The following NTMT2 variants were observed in gnomAD, a reference collection of about 807,000 sequenced individuals.
NTMT2 encodes X-Pro-Lys N-terminal protein methyltransferase 1B.
In NTMT2, 21 loss-of-function variants were observed where a neutral mutation model predicts 23.4. That is an observed-to-expected ratio of 0.90 (90% CI 0.64 to 1.29). The LOEUF is 1.29. Ranked by LOEUF, NTMT2 falls within the 50% of genes most tolerant of loss-of-function variation. The pLI, the probability that NTMT2 is intolerant of heterozygous loss-of-function variation, is 0.00. For synonymous variants in NTMT2, 131 were observed against 127.7 expected (o/e 1.03, Z -0.17); for missense variants, 336 against 352.0 (o/e 0.95, Z 0.36).
At chr1:170,161,544 A>G (rs541453274) in intron 2 of NTMT2, 4 of 152,134 alleles carry the variant, frequency 2.6e-5, no homozygotes, top group Admixed American at 6.5e-5. Flanking sequence ...TGCTTAATGT[A>G]TAAGCAACTT....
At position 170,168,232 on chromosome 1, in the gene NTMT2, T is replaced by G. The variant is rs1465526250; in HGVS notation, c.*475T>G. Reference sequence around the variant, plus strand: ...GGGTTGTTCAGATAAAGCATTTGTCTACTCAAACAAAAAAAAAAAAAAGAA... The same window carrying G: ...GGGTTGTTCAGATAAAGCATTTGTCGACTCAAACAAAAAAAAAAAAAAGAA... On this transcript the variant is annotated 3_prime_UTR_variant, in exon 4 of 4. Coordinates refer to ENST00000439373, the MANE Select transcript of NTMT2 (RefSeq NM_001136107.2). Among the ~76,000 whole-genome samples, 1 of 118,882 alleles carries G rather than the reference T, an allele frequency of 8.4e-6. No individual in the cohort carries two copies. Among genetic ancestry groups the G allele is most frequent in the South Asian group, 2.6e-4 (1 of 3,814 alleles). The allele number at this position is 118,882 out of a possible 152,430, so 78.0% of individuals were successfully genotyped here.
At chr1:170,158,292 T>C (rs1673203503) in intron 1 of NTMT2, among the ~76,000 whole-genome samples, 2 of 152,092 alleles carry the variant, frequency 1.3e-5, no homozygotes, top group African/African-American at 4.8e-5. Flanking sequence ...TGATGCCAGC[T>C]AAGTTTAATT....
intron 1 of NTMT2, among the ~76,000 whole-genome samples, chr1:170,158,513 C>A (rs1673207471): frequency 6.6e-6 from 1 of 151,732 alleles, no homozygotes; most frequent in Non-Finnish European, 1.5e-5. Flanking sequence ...ACTACTCTTT[C>A]TGTTTTGAAA....
chr1:170,152,474 A>G (rs1673088765), intron 1 of NTMT2, among the ~76,000 whole-genome samples: 1 of 152,202 alleles, frequency 6.6e-6, no homozygotes, highest in South Asian at 2.1e-4. Flanking sequence ...TCTTTCCCCA[A>G]TTTAGAAGTC....
intron 1 of NTMT2, among the ~76,000 whole-genome samples, chr1:170,148,596 T>C (rs1673011489): frequency 6.6e-6 from 1 of 152,224 alleles, no homozygotes; most frequent in Non-Finnish European, 1.5e-5. Flanking sequence ...TCATCCACAG[T>C]ACCTCTTTGA....
intron 1 of NTMT2, among the ~76,000 whole-genome samples, chr1:170,146,756 C>A (rs12736132): frequency 0.073 from 11,117 of 152,196 alleles, 544 homozygotes; most frequent in Non-Finnish European, 0.1. Context: ...TCTTGAATCA[C>A]AAGAATAGTC....
chr1:170,159,430 T>G (rs1306217520), intron 1 of NTMT2, among the ~76,000 whole-genome samples: 3 of 149,850 alleles, frequency 2.0e-5, no homozygotes, highest in Non-Finnish European at 1.5e-5. Context: ...GGTTTTTTTT[T>G]TTTTTTTTTT....
Position 170,166,591 on chromosome 1 carries a change from C to G in NTMT2, c.420C>G (p.Asn140Lys). Residue 140 changes from asparagine to lysine, a missense_variant, in exon 3 of 4, where the codon AAC becomes AAG. By Grantham distance (94) the Asn-to-Lys change is moderately conservative. Coordinates refer to ENST00000439373, the MANE Select transcript of NTMT2 (RefSeq NM_001136107.2). ...AACACGTCTTATTGCCTGTTTTCAACAGTGTGGAGCTGGTGGATATGATGG... is the reference window on the plus strand; with the variant it reads ...AACACGTCTTATTGCCTGTTTTCAAGAGTGTGGAGCTGGTGGATATGATGG... The part of the protein sequence containing the change: ...VSKHVLLPVF[N>K]SVELVDMMES... 6.4e-7 allele frequency: 1 copy of G among 1,552,242 alleles called. No individual in the cohort carries two copies. The highest frequency in any genetic ancestry group is 2.4e-5 in the East Asian group (1 of 40,926).
chr1:170,148,029 C>G (rs1326063891), intron 1 of NTMT2, among the ~76,000 whole-genome samples: 1 of 151,958 alleles, frequency 6.6e-6, no homozygotes, highest in Admixed American at 6.6e-5. Flanking sequence ...AAATATTCCA[C>G]TGACGCCCAA....
chr1:170,154,804 A>G (rs1673134327), intron 1 of NTMT2, among the ~76,000 whole-genome samples: 1 of 152,136 alleles, frequency 6.6e-6, no homozygotes, highest in Non-Finnish European at 1.5e-5. Context: ...TGAGAAGGAC[A>G]AGAGATTTGG....
intron 1 of NTMT2, among the ~76,000 whole-genome samples, chr1:170,147,217 T>G (rs975230692): frequency 6.6e-6 from 1 of 152,238 alleles, no homozygotes; most frequent in Non-Finnish European, 1.5e-5. Context: ...GAGGGATCTT[T>G]AATTCTAAAC....
intron 2 of NTMT2, among the ~76,000 whole-genome samples, chr1:170,164,134 A>G (rs2102241240): frequency 6.6e-6 from 1 of 152,106 alleles, no homozygotes; most frequent in East Asian, 1.9e-4. Context: ...AAAAAAAAAA[A>G]AAAAAAAAAG....
chr1:170,166,570 C>T lies in NTMT2; in HGVS notation c.399C>T (p.His133=), dbSNP rs1673392959. 1.9e-6 allele frequency: 3 copies of T among 1,552,266 alleles called. No homozygotes were observed. Among genetic ancestry groups the T allele is most frequent in the Non-Finnish European group, 2.6e-6 (3 of 1,147,108 alleles). ...CCGGGATAGGAAGGGTCAGCAAACA[C>T]GTCTTATTGCCTGTTTTCAACAGTG... ...CGSGIGRVSK[H]VLLPVFNSVE... Residue 133 remains histidine (H), a synonymous_variant, in exon 3 of 4, where the codon CAC becomes CAT. Coordinates refer to ENST00000439373, the MANE Select transcript of NTMT2 (RefSeq NM_001136107.2).
At chr1:170,161,006 C>T (rs1376659770) in intron 2 of NTMT2, among the ~76,000 whole-genome samples, 1 of 152,162 alleles carries the variant, frequency 6.6e-6, no homozygotes, top group Non-Finnish European at 1.5e-5. Flanking sequence ...CTTTTAGAGT[C>T]TCATAAACGT....
intron 1 of NTMT2, among the ~76,000 whole-genome samples, chr1:170,159,183 T>C (rs1272976307): frequency 2.6e-5 from 4 of 152,174 alleles, no homozygotes; most frequent in Non-Finnish European, 4.4e-5. Context: ...CAGATTCTGA[T>C]GAGTGGGAGT....
intron 1 of NTMT2, among the ~76,000 whole-genome samples, chr1:170,154,249 G>T (rs573056774): frequency 6.6e-6 from 1 of 152,294 alleles, no homozygotes; most frequent in South Asian, 2.1e-4. Context: ...CTGTTGCAAA[G>T]GTGGAGCCCC....
chr1:170,156,935 T>G (rs868164910), intron 1 of NTMT2, among the ~76,000 whole-genome samples: 2 of 152,146 alleles, frequency 1.3e-5, no homozygotes, highest in African/African-American at 4.8e-5. Flanking sequence ...AAGCAGGTGA[T>G]GATGAGTGTG....
chr1:170,154,843 A>G (rs1673135752), intron 1 of NTMT2, among the ~76,000 whole-genome samples: 1 of 152,086 alleles, frequency 6.6e-6, no homozygotes, highest in African/African-American at 2.4e-5. Context: ...TATGGTTTGG[A>G]TATTTGTCCC....
At chr1:170,161,232 G>A (rs1330267116) in intron 2 of NTMT2, among the ~76,000 whole-genome samples, 3 of 151,460 alleles carry the variant, frequency 2.0e-5, no homozygotes, top group Non-Finnish European at 4.4e-5. Context: ...CTGGGAGGCA[G>A]AGCTTGCAGT....
Sources: allele counts gnomAD v4.1 joint callset (sites outside exome capture counted in the v4.1 genomes callset), GRCh38; gene constraint gnomAD v4.1.1; transcripts MANE v1.5; gene names NCBI Gene and HGNC (gene_info 2026-07-23, HGNC 2026-07-21).